Variants in LGR4 observed in about 807,000 individuals in gnomAD.
LGR4 encodes the protein leucine rich repeat containing G protein-coupled receptor 4, also known as leucine-rich repeat-containing G protein-coupled receptor 4.
Under a neutral mutation model 84.8 loss-of-function variants are expected in LGR4, and 44 were observed. That is an observed-to-expected ratio of 0.52 (90% CI 0.41 to 0.67). The LOEUF (loss-of-function observed/expected upper bound fraction) is 0.67. Among genes scored for constraint, LGR4 ranks in the 30% least tolerant of loss-of-function variants. The probability of loss-of-function intolerance (pLI) is 0.00; values close to 1 mark genes in which losing one functional copy is unlikely to be tolerated. For missense variants in LGR4, 1,032 were observed against 1,131.4 expected, an observed-to-expected ratio of 0.91 and a Z score of 1.26; for synonymous variants, 429 against 434.3, an observed-to-expected ratio of 0.99 and a Z score of 0.15.
At chr11:27,457,409 G>A (rs531128399) in intron 1 of LGR4, among the ~76,000 whole-genome samples, 2 of 152,310 alleles carry the variant, frequency 1.3e-5, no homozygotes, top group African/African-American at 2.4e-5. Context: ...ATCATAAAGG[G>A]AGCTAAGAAT....
chr11:27,412,531 T>C (rs1863730654), intron 2 of LGR4, among the ~76,000 whole-genome samples: 1 of 152,150 alleles, frequency 6.6e-6, no homozygotes. Flanking sequence ...TTTGTAGTTA[T>C]AATAATTGCA....
At chr11:27,372,497 A>C in intron 15 of LGR4, 99 bp from the exon 16 acceptor site, 1 of 730,196 alleles carries the variant, frequency 1.4e-6, no homozygotes, top group South Asian at 1.6e-5. Context: ...TCAGCCTAGG[A>C]GTCAGAAAGA....
chr11:27,377,964 C>T (rs1334049892), intron 11 of LGR4, among the ~76,000 whole-genome samples: 3 of 152,118 alleles, frequency 2.0e-5, no homozygotes, highest in Non-Finnish European at 2.9e-5. Context: ...CAACTGCCTA[C>T]AGTATTCAGT....
intron 1 of LGR4, among the ~76,000 whole-genome samples, chr11:27,439,079 A>G (rs538112331): frequency 6.6e-6 from 1 of 152,342 alleles, no homozygotes; most frequent in Admixed American, 6.5e-5. Flanking sequence ...TGACATTTTC[A>G]TAATGGAGAT....
Position 27,416,179 on chromosome 11 carries a change from AGG to A in LGR4, c.186-3321_186-3320del, listed in dbSNP as rs775709242. Among the ~76,000 whole-genome samples the A allele has an allele frequency of 5.1e-4, 77 of 152,272 alleles. 2 individuals carry two copies. The Middle Eastern group carries it at 0.027, about 54-fold the overall frequency. ...ACCAAATGTAAATATATATCATATGAGGTCAAAGCACCACCAACTCCCAAATG... is the reference window on the plus strand; with the variant it reads ...ACCAAATGTAAATATATATCATATGATCAAAGCACCACCAACTCCCAAATG... On this transcript the variant is annotated intron_variant, in intron 1 of 17. Transcript: ENST00000379214.
At chr11:27,422,937 G>A (rs550631848) in intron 1 of LGR4, among the ~76,000 whole-genome samples, 2 of 152,180 alleles carry the variant, frequency 1.3e-5, no homozygotes, top group Admixed American at 1.3e-4. Flanking sequence ...AACTGAGTTA[G>A]CTGTATTTTC....
At chr11:27,410,762 C>T (rs2133396280) in intron 2 of LGR4, among the ~76,000 whole-genome samples, 1 of 152,014 alleles carries the variant, frequency 6.6e-6, no homozygotes, top group South Asian at 2.1e-4. Context: ...TTTGAAACAC[C>T]ATACAACATT....
chr11:27,392,911 T>C (rs1863314140), intron 2 of LGR4, among the ~76,000 whole-genome samples: 1 of 152,156 alleles, frequency 6.6e-6, no homozygotes, highest in African/African-American at 2.4e-5. Flanking sequence ...AGCAAACCAG[T>C]CTGTCAAGGA....
chr11:27,375,198 G>A (rs1425848692), intron 13 of LGR4, among the ~76,000 whole-genome samples: 4 of 151,326 alleles, frequency 2.6e-5, no homozygotes, highest in African/African-American at 9.7e-5. Context: ...AGGAGGTTGA[G>A]GCAGGAGGAT....
At chr11:27,420,108 CTTTTA>C (rs1451379716) in intron 1 of LGR4, among the ~76,000 whole-genome samples, 2 of 151,860 alleles carry the variant, frequency 1.3e-5, no homozygotes, top group African/African-American at 4.8e-5. Flanking sequence ...TGGGTTTTTT[CTTTTA>C]TAACTAAGAG....
At chr11:27,467,432 G>A (rs113954105) in intron 1 of LGR4, among the ~76,000 whole-genome samples, 1 of 151,988 alleles carries the variant, frequency 6.6e-6, no homozygotes, top group African/African-American at 2.4e-5. Flanking sequence ...GCCAGGCATG[G>A]TGGCGGGTGC....
At chr11:27,428,431 G>A (rs1490015980) in intron 1 of LGR4, among the ~76,000 whole-genome samples, 4 of 152,156 alleles carry the variant, frequency 2.6e-5, no homozygotes, top group East Asian at 1.9e-4. Flanking sequence ...GAGCCACCAC[G>A]CCCGGCCTAT....
In LGR4 at chr11:27,366,097, C is replaced by T. The variant is rs1862759233; in HGVS notation, c.*1770G>A. The T allele has an allele frequency of 6.6e-6, 1 of 152,318 alleles. No individual in the cohort carries two copies. The highest frequency in any genetic ancestry group is 2.1e-4 in the South Asian group (1 of 4,814). 9.4% of individuals were successfully genotyped at this position (152,318 alleles called of 1,614,324 possible). A position where few individuals can be genotyped will look rare whatever the true frequency, so the allele number is the denominator to read the frequency against. The stretch of plus-strand genomic sequence containing the variant: ...AATAAAATGAAAAGTTTTCAATAAC[C>T]TGAATTTTGGAAAAAACCTTTTAAT... On this transcript the variant is annotated 3_prime_UTR_variant, in exon 18 of 18. Transcript: ENST00000379214.
chr11:27,402,374 AGGAT>A (rs1193409449), intron 2 of LGR4, among the ~76,000 whole-genome samples: 1 of 151,382 alleles, frequency 6.6e-6, no homozygotes, highest in Non-Finnish European at 1.5e-5. Flanking sequence ...GAGTGATAAC[AGGAT>A]GGTACAGACC....
Position 27,381,818 on chromosome 11 carries a change from A to C in LGR4, c.758+370T>G, listed in dbSNP as rs573982243. Among the ~76,000 whole-genome samples the C allele has an allele frequency of 2.0e-5, 3 of 152,342 alleles. No individual in the cohort carries two copies. In the South Asian group the frequency reaches 6.2e-4, roughly 32 times the overall value. ...TGGTGATGTTTTCTGCAGTAACTCCAAACTTCAATTAGGTATTCTTCCAGA... is the reference window on the plus strand; with the variant it reads ...TGGTGATGTTTTCTGCAGTAACTCCCAACTTCAATTAGGTATTCTTCCAGA... On this transcript the variant is annotated intron_variant, in intron 7 of 17. Coordinates refer to ENST00000379214, the MANE Select transcript of LGR4 (RefSeq NM_018490.5).
chr11:27,453,400 C>A (rs926487705), intron 1 of LGR4, among the ~76,000 whole-genome samples: 3 of 152,136 alleles, frequency 2.0e-5, no homozygotes, highest in Non-Finnish European at 4.4e-5. Context: ...TTTGCCATTG[C>A]TTAAGATGGA....
intron 1 of LGR4, among the ~76,000 whole-genome samples, chr11:27,471,218 C>T (rs1344124965): frequency 6.6e-6 from 1 of 152,202 alleles, no homozygotes. Flanking sequence ...TCCGTTTTGG[C>T]AGGGCGATTT....
Position 27,368,774 on chromosome 11 carries a change from A to C in LGR4, c.1949T>G (p.Ile650Arg). The change falls in exon 18 of 18, where the codon ATA becomes AGA. Residue 650 changes from isoleucine (I) to arginine (R), a missense_variant. Transcript: ENST00000379214. ...TVERSLSAKD[I>R]MKNGKSNHLK... The stretch of plus-strand genomic sequence containing the variant: ...ATGATTGCTCTTCCCATTTTTCATT[A>C]TATCTTTTGCAGATAAGCTTCTTTC... 1 of 1,613,864 alleles carries C rather than the reference A, an allele frequency of 6.2e-7. No homozygotes were observed. The highest frequency in any genetic ancestry group is 8.5e-7 in the Non-Finnish European group (1 of 1,179,932).
In LGR4 at chr11:27,408,751, C is replaced by G. The variant is rs576417213; in HGVS notation, c.257+4038G>C. On this transcript the variant is annotated intron_variant, in intron 2 of 17. Coordinates refer to ENST00000379214, the MANE Select transcript of LGR4 (RefSeq NM_018490.5). ...ACCCCCAAGCAAAACCATCTCTCTT[C>G]CAAATGATATCAAGGAAGACTGCAA... Among the ~76,000 whole-genome samples the G allele has an allele frequency of 2.0e-5, 3 of 152,198 alleles. No individual in the cohort carries two copies. The East Asian group carries it at 5.8e-4, about 29-fold the overall frequency.
Sources: allele counts gnomAD v4.1 joint callset (sites outside exome capture counted in the v4.1 genomes callset), GRCh38; gene constraint gnomAD v4.1.1; transcripts MANE v1.5; gene names NCBI Gene and HGNC (gene_info 2026-07-23, HGNC 2026-07-21).